Variants in LRRC37A2 observed in about 807,000 individuals in gnomAD.
The protein encoded by LRRC37A2 is leucine rich repeat containing 37 member A2.
In LRRC37A2, 9 loss-of-function variants were observed where a neutral mutation model predicts 68.8. That is an observed-to-expected ratio of 0.13 (90% confidence interval 0.08 to 0.23). The LOEUF (loss-of-function observed/expected upper bound fraction) is 0.23, where lower values mean the gene tolerates loss of function less well. Ranked by LOEUF, LRRC37A2 falls within the 10% of genes least tolerant of loss-of-function variation. The pLI is 1.00. For synonymous variants in LRRC37A2, 63 were observed against 367.6 expected, an observed-to-expected ratio of 0.17 and a Z score of 9.48; for missense variants, 168 against 950.4, an observed-to-expected ratio of 0.18 and a Z score of 10.82.
the LRRC37A2 span, chr17:46,936,703 A>G: frequency 7.1e-6 from 7 of 985,152 alleles, no homozygotes; most frequent in South Asian, 3.3e-4. Flanking sequence ...TTAGCCTCAT[A>G]CAGTGATGAA....
chr17:46,758,855 G>A, the LRRC37A2 span, among the ~76,000 whole-genome samples: 1 of 152,156 alleles, frequency 6.6e-6, no homozygotes, highest in Admixed American at 6.5e-5. Flanking sequence ...CACAGAAGGT[G>A]AAAGCAGGAT....
At chr17:46,889,673 C>T in the LRRC37A2 span, among the ~76,000 whole-genome samples, 3 of 152,138 alleles carry the variant, frequency 2.0e-5, no homozygotes, top group Non-Finnish European at 4.4e-5. Flanking sequence ...CCACATAGCC[C>T]TCCCTCACCC....
chr17:46,539,768 CA>C (rs1204528686), intron 6 of LRRC37A2, among the ~76,000 whole-genome samples: 25,890 of 66,766 alleles, frequency 0.39, 2,682 homozygotes, highest in East Asian at 0.6. Flanking sequence ...GACTCCATCT[CA>C]AAAAAAAAAA....
At chr17:46,913,156 A>AACCGCTAAGGGCG in the LRRC37A2 span, among the ~76,000 whole-genome samples, 1 of 152,098 alleles carries the variant, frequency 6.6e-6, no homozygotes, top group Non-Finnish European at 1.5e-5. Context: ...CGCTAAGGGC[A>AACCGCTAAGGGCG]GTTTTTAATC....
intron 6 of LRRC37A2, among the ~76,000 whole-genome samples, chr17:46,535,083 A>G (rs2054461499): frequency 6.7e-6 from 1 of 148,184 alleles, no homozygotes; most frequent in African/African-American, 2.6e-5. Flanking sequence ...TTGTAGAGAC[A>G]GGGTTTTACT....
At chr17:46,886,810 T>A in the LRRC37A2 span, 1 of 153,834 alleles carries the variant, frequency 6.5e-6, no homozygotes, top group Non-Finnish European at 1.4e-5. Context: ...AGCATCTGTT[T>A]TTTTTGTTTG....
the LRRC37A2 span, among the ~76,000 whole-genome samples, chr17:46,879,244 C>T: frequency 6.6e-6 from 1 of 152,154 alleles, no homozygotes; most frequent in African/African-American, 2.4e-5. Context: ...TACAGCCTGA[C>T]CTGACCGGGT....
chr17:47,010,195 A>G, the LRRC37A2 span, among the ~76,000 whole-genome samples: 1 of 152,190 alleles, frequency 6.6e-6, no homozygotes, highest in East Asian at 1.9e-4. Context: ...TCTTCACAGA[A>G]GCTTAGCGCC....
the LRRC37A2 span, among the ~76,000 whole-genome samples, chr17:46,804,248 C>T: frequency 2.6e-5 from 4 of 151,868 alleles, no homozygotes; most frequent in Admixed American, 6.6e-5. Flanking sequence ...CCACCACACC[C>T]GGCTAATTTT....
the LRRC37A2 span, among the ~76,000 whole-genome samples, chr17:46,748,888 C>T: frequency 6.6e-6 from 1 of 152,152 alleles, no homozygotes; most frequent in African/African-American, 2.4e-5. Context: ...TAGTACTCTG[C>T]ATGGCCTAGC....
the LRRC37A2 span, chr17:46,923,575 C>CG: frequency 7.7e-7 from 1 of 1,302,932 alleles, no homozygotes; most frequent in African/African-American, 1.5e-5. Context: ...AGAGGAGACA[C>CG]GGAGTAGGAG....
At chr17:46,887,373 G>T in the LRRC37A2 span, among the ~76,000 whole-genome samples, 16 of 152,086 alleles carry the variant, frequency 1.1e-4, no homozygotes, top group Non-Finnish European at 2.2e-4. Flanking sequence ...AGTGAGCACT[G>T]TCTTGGGAGT....
the LRRC37A2 span, among the ~76,000 whole-genome samples, chr17:46,891,626 C>A: frequency 3.3e-5 from 5 of 152,188 alleles, no homozygotes; most frequent in African/African-American, 9.7e-5. Flanking sequence ...TTTGTCTGTA[C>A]GGAACACCAG....
At chr17:46,766,264 C>T in the LRRC37A2 span, among the ~76,000 whole-genome samples, 26 of 152,064 alleles carry the variant, frequency 1.7e-4, 1 homozygote, top group Admixed American at 1.6e-3. Context: ...AAAAATTAGC[C>T]GATCGTGGTG....
the LRRC37A2 span, chr17:46,877,006 G>T: frequency 6.9e-5 from 85 of 1,240,636 alleles, 1 homozygote; most frequent in African/African-American, 1.2e-3. Flanking sequence ...AAATAAGGGA[G>T]ACCAAGAGCA....
At chr17:47,016,462 T>C in the LRRC37A2 span, among the ~76,000 whole-genome samples, 1 of 111,236 alleles carries the variant, frequency 9.0e-6, no homozygotes, top group African/African-American at 3.7e-5. Context: ...CTCTTCTCCA[T>C]GTGTGCACAC....
chr17:47,047,673 C>T, the LRRC37A2 span, among the ~76,000 whole-genome samples: 77 of 151,864 alleles, frequency 5.1e-4, 1 homozygote, highest in Non-Finnish European at 7.5e-4. Flanking sequence ...GATGTAGATA[C>T]GGTTTCGGTT....
chr17:46,801,700 G>A, the LRRC37A2 span, among the ~76,000 whole-genome samples: 2 of 152,138 alleles, frequency 1.3e-5, no homozygotes, highest in Admixed American at 6.5e-5. Context: ...AAGAAGATCC[G>A]TTGAGGCTGA....
the LRRC37A2 span, among the ~76,000 whole-genome samples, chr17:47,038,641 C>T: frequency 1.7e-5 from 2 of 119,358 alleles, no homozygotes; most frequent in Admixed American, 1.9e-4. Flanking sequence ...TCTTTATATA[C>T]TTTATGTTCA....
Sources: allele counts gnomAD v4.1 joint callset (sites outside exome capture counted in the v4.1 genomes callset), GRCh38; gene constraint gnomAD v4.1.1; transcripts MANE v1.5; gene names NCBI Gene and HGNC (gene_info 2026-07-23, HGNC 2026-07-21).